Variants in R3HDM1 observed in about 807,000 individuals in gnomAD.
The protein encoded by R3HDM1 is R3H domain-containing protein 1.
In R3HDM1, 46 loss-of-function variants were observed where a neutral mutation model predicts 141.1. The ratio of observed to expected loss-of-function variants is 0.33; its 90% CI spans 0.26 to 0.42. R3HDM1 has a LOEUF of 0.42. R3HDM1 is among the 10% of genes least tolerant of loss of function. The pLI is 1.00. For missense variants in R3HDM1, 1,184 were observed against 1,368.3 expected (o/e 0.87, Z 2.12); for synonymous variants, 435 against 472.9 (o/e 0.92, Z 1.04).
chr2:135,722,287 C>T (rs2076772861), intron 25 of R3HDM1, among the ~76,000 whole-genome samples, 182 bp from the exon 26 acceptor site: 1 of 152,120 alleles, frequency 6.6e-6, no homozygotes, highest in Admixed American at 6.6e-5. Flanking sequence ...AGCAAGTGAT[C>T]GGTCATAATG....
At chr2:135,697,632 T>G (rs1229893907) in intron 21 of R3HDM1, among the ~76,000 whole-genome samples, 3 of 152,222 alleles carry the variant, frequency 2.0e-5, no homozygotes, top group Non-Finnish European at 4.4e-5. Context: ...GATATGATAC[T>G]GAGTAATTAA....
Position 135,537,174 on chromosome 2 carries a change from T to TAAA in R3HDM1, c.-250+5558_-250+5560dup, listed in dbSNP as rs60737602. Among the ~76,000 whole-genome samples, 558 of 115,228 alleles carry TAAA rather than the reference T, an allele frequency of 4.8e-3. 7 individuals carry two copies. Among genetic ancestry groups the TAAA allele is most frequent in the African/African-American group, 0.017 (529 of 31,580 alleles). The allele number at this position is 115,228 out of a possible 152,430, so 75.6% of individuals were successfully genotyped here. A position where few individuals can be genotyped will look rare whatever the true frequency, so the allele number is the denominator to read the frequency against. On this transcript the variant is annotated intron_variant, in intron 1 of 26. Transcript: ENST00000683871. ...CAGTGGGGAGAGAAGCTCTGGAATTTAAAAAAAAAAAAAAAAAAAGTCTTA... is the reference window on the plus strand; with the variant it reads ...CAGTGGGGAGAGAAGCTCTGGAATTTAAAAAAAAAAAAAAAAAAAAAAGTCTTA...
intron 1 of R3HDM1, chr2:135,550,342 T>C: frequency 1.6e-6 from 1 of 611,094 alleles, no homozygotes; most frequent in Non-Finnish European, 2.0e-6. Context: ...ATACAGCTAC[T>C]CTACCATGTT....
intron 1 of R3HDM1, among the ~76,000 whole-genome samples, chr2:135,595,572 G>A (rs1052311060): frequency 3.3e-5 from 5 of 152,218 alleles, no homozygotes; most frequent in African/African-American, 1.2e-4. Flanking sequence ...TTAAAGCATT[G>A]GGAGTAGTGC....
intron 15 of R3HDM1, among the ~76,000 whole-genome samples, chr2:135,642,923 GTTA>G (rs1210084530): frequency 7.9e-5 from 12 of 151,932 alleles, no homozygotes; most frequent in Admixed American, 5.2e-4. Flanking sequence ...TATTCTTCAG[GTTA>G]TTATGTTACT....
At chr2:135,551,140 A>T (rs1431381497) in intron 1 of R3HDM1, among the ~76,000 whole-genome samples, 1 of 152,236 alleles carries the variant, frequency 6.6e-6, no homozygotes, top group Non-Finnish European at 1.5e-5. Flanking sequence ...TTTTAAGATC[A>T]TAGGCACAGA....
At chr2:135,545,465 C>G (rs888092731) in intron 1 of R3HDM1, among the ~76,000 whole-genome samples, 1 of 151,992 alleles carries the variant, frequency 6.6e-6, no homozygotes, top group Non-Finnish European at 1.5e-5. Flanking sequence ...CAAGCAAACA[C>G]TTGAATGAAA....
chr2:135,627,034 G>A (rs185275694), intron 7 of R3HDM1, among the ~76,000 whole-genome samples: 50 of 152,166 alleles, frequency 3.3e-4, no homozygotes, highest in African/African-American at 1.2e-3. Context: ...AAATATACAA[G>A]TGAATAATTC....
At chr2:135,625,798 C>T (rs1032664218) in intron 7 of R3HDM1, among the ~76,000 whole-genome samples, 6 of 152,098 alleles carry the variant, frequency 3.9e-5, no homozygotes, top group African/African-American at 7.2e-5. Context: ...GAGGGCTTCC[C>T]GATAGCTGAA....
At chr2:135,668,522 G>A (rs1450950626) in intron 19 of R3HDM1, among the ~76,000 whole-genome samples, 1 of 152,144 alleles carries the variant, frequency 6.6e-6, no homozygotes, top group African/African-American at 2.4e-5. Context: ...AGCATCAAAT[G>A]TTAAATGACA....
intron 14 of R3HDM1, among the ~76,000 whole-genome samples, chr2:135,639,934 T>A (rs1276429657): frequency 1.3e-5 from 2 of 152,054 alleles, no homozygotes; most frequent in African/African-American, 4.8e-5. Context: ...CCATCTCTAC[T>A]AAAAATATTT....
At chr2:135,611,527 C>A (rs2060550164) in intron 3 of R3HDM1, among the ~76,000 whole-genome samples, 1 of 152,092 alleles carries the variant, frequency 6.6e-6, no homozygotes, top group Non-Finnish European at 1.5e-5. Flanking sequence ...AAATTTGTGG[C>A]TTTATTGTCA....
chr2:135,647,660 A>C (rs2064622166), intron 16 of R3HDM1, among the ~76,000 whole-genome samples: 1 of 152,226 alleles, frequency 6.6e-6, no homozygotes, highest in Non-Finnish European at 1.5e-5. Context: ...CTCAAAAGTG[A>C]TTCTCAATGA....
At chr2:135,711,083 T>C (rs1242511397) in intron 23 of R3HDM1, among the ~76,000 whole-genome samples, 2 of 152,232 alleles carry the variant, frequency 1.3e-5, no homozygotes, top group Non-Finnish European at 2.9e-5. Flanking sequence ...TACCTCTTCA[T>C]GTGGTATAGA....
At chr2:135,649,694 A>G (rs879638658) in intron 16 of R3HDM1, among the ~76,000 whole-genome samples, 2 of 152,228 alleles carry the variant, frequency 1.3e-5, no homozygotes, top group Non-Finnish European at 2.9e-5. Context: ...TATGTAATAA[A>G]TTCAGGCGTA....
chr2:135,704,347 T>G (rs2074611726), intron 21 of R3HDM1, among the ~76,000 whole-genome samples: 1 of 152,240 alleles, frequency 6.6e-6, no homozygotes, highest in Non-Finnish European at 1.5e-5. Flanking sequence ...TGACATCTGC[T>G]GAAGTTTTCT....
At chr2:135,638,231 C>T (rs1417420603) in intron 11 of R3HDM1, among the ~76,000 whole-genome samples, 1 of 152,168 alleles carries the variant, frequency 6.6e-6, no homozygotes, top group Non-Finnish European at 1.5e-5. Context: ...ACCATTAAGG[C>T]ATAGCTACTT....
At chr2:135,705,229 G>A (rs2074749239) in intron 21 of R3HDM1, among the ~76,000 whole-genome samples, 1 of 152,218 alleles carries the variant, frequency 6.6e-6, no homozygotes, top group Admixed American at 6.5e-5. Flanking sequence ...AGTTTGGTAA[G>A]GCAAGTGCTA....
At position 135,652,040 on chromosome 2, in the gene R3HDM1, G is replaced by T; in HGVS notation, c.2028+8G>T. ...CAGCAGCCATCACCACAGGTATATTGCTTTTTAACCTTTTCTTTCTTGTGG... is the reference window on the plus strand; with the variant it reads ...CAGCAGCCATCACCACAGGTATATTTCTTTTTAACCTTTTCTTTCTTGTGG... On this transcript the variant is annotated splice_region_variant and intron_variant, in intron 18 of 26. Coordinates refer to ENST00000683871, the MANE Select transcript of R3HDM1 (RefSeq NM_001378107.1). The T allele has an allele frequency of 7.1e-6, 11 of 1,548,322 alleles. No homozygotes were observed. The highest frequency in any genetic ancestry group is 2.3e-5 in the East Asian group (1 of 44,042).
Sources: allele counts gnomAD v4.1 joint callset (sites outside exome capture counted in the v4.1 genomes callset), GRCh38; gene constraint gnomAD v4.1.1; transcripts MANE v1.5; gene names NCBI Gene and HGNC (gene_info 2026-07-23, HGNC 2026-07-21).